Variants in CSMD1 observed in about 807,000 individuals in gnomAD.
CSMD1 encodes the protein CUB and sushi domain-containing protein 1.
CSMD1 carries 213 observed loss-of-function variants against 417.5 expected under a neutral mutation model. The ratio of observed to expected loss-of-function variants is 0.51; its 90% CI spans 0.46 to 0.57. The LOEUF (loss-of-function observed/expected upper bound fraction) is 0.57. Ranked by LOEUF, CSMD1 falls within the 20% of genes least tolerant of loss-of-function variation. The pLI is 0.00. For missense variants in CSMD1, 6,923 were observed against 4,529.7 expected (o/e 1.53, Z -15.17); for synonymous variants, 2,862 against 1,736.8 (o/e 1.65, Z -16.11).
chr8:4,339,733 A>C (rs1800369126), intron 3 of CSMD1, among the ~76,000 whole-genome samples: 1 of 152,192 alleles, frequency 6.6e-6, no homozygotes, highest in East Asian at 1.9e-4. Context: ...CGGTATACGA[A>C]GTAGAAAAAG....
intron 57 of CSMD1, among the ~76,000 whole-genome samples, chr8:2,971,439 C>T (rs928730966): frequency 1.3e-5 from 2 of 152,070 alleles, no homozygotes; most frequent in Admixed American, 6.6e-5. Context: ...GCTGCATGCC[C>T]CTAGGGTTTT....
At chr8:4,912,856 G>A (rs1209251994) in intron 1 of CSMD1, among the ~76,000 whole-genome samples, 3 of 152,008 alleles carry the variant, frequency 2.0e-5, no homozygotes, top group Non-Finnish European at 4.4e-5. Context: ...TGCAACCTTG[G>A]CTTACTACAA....
intron 2 of CSMD1, among the ~76,000 whole-genome samples, chr8:4,558,811 T>C (rs182633568): frequency 1.2e-3 from 177 of 152,258 alleles, no homozygotes; most frequent in East Asian, 9.6e-4. Context: ...GACGTTGCAG[T>C]GAATGGAGAT....
At chr8:4,313,840 C>T (rs112452921) in intron 3 of CSMD1, among the ~76,000 whole-genome samples, 1,873 of 151,940 alleles carry the variant, frequency 0.012, 38 homozygotes, top group African/African-American at 0.044. Context: ...ATGGTGAAAC[C>T]TCATCTCTAC....
intron 3 of CSMD1, among the ~76,000 whole-genome samples, chr8:4,333,388 A>T (rs144384872): frequency 2.2e-3 from 329 of 152,266 alleles, no homozygotes; most frequent in African/African-American, 7.6e-3. Flanking sequence ...GACGGCTGAC[A>T]GGGGTTGAAT....
chr8:4,753,763 G>A (rs763774265), intron 1 of CSMD1, among the ~76,000 whole-genome samples: 7 of 152,122 alleles, frequency 4.6e-5, no homozygotes, highest in Non-Finnish European at 8.8e-5. Flanking sequence ...ATTCTGATGG[G>A]AACATTCCCT....
At chr8:4,042,234 A>T (rs1291379491) in intron 3 of CSMD1, among the ~76,000 whole-genome samples, 1 of 152,214 alleles carries the variant, frequency 6.6e-6, no homozygotes, top group Non-Finnish European at 1.5e-5. Flanking sequence ...CACATGTCAA[A>T]ATCAAGGTGC....
intron 8 of CSMD1, among the ~76,000 whole-genome samples, chr8:3,590,183 T>C (rs990782890): frequency 1.4e-4 from 21 of 152,308 alleles, no homozygotes; most frequent in Admixed American, 1.1e-3. Context: ...GATCTATCTA[T>C]ATTTATATCT....
intron 54 of CSMD1, among the ~76,000 whole-genome samples, chr8:2,984,362 C>A (rs1192168233): frequency 1.3e-5 from 2 of 151,814 alleles, no homozygotes; most frequent in Non-Finnish European, 2.9e-5. Flanking sequence ...TTTCTTTTTT[C>A]CCCCGAGACC....
At chr8:4,183,053 C>G (rs1798467229) in intron 3 of CSMD1, among the ~76,000 whole-genome samples, 2 of 152,266 alleles carry the variant, frequency 1.3e-5, no homozygotes, top group Non-Finnish European at 2.9e-5. Context: ...GTTATATGCA[C>G]AGATACCACT....
At chr8:4,277,385 T>A (rs1178982822) in intron 3 of CSMD1, among the ~76,000 whole-genome samples, 1 of 152,176 alleles carries the variant, frequency 6.6e-6, no homozygotes, top group Non-Finnish European at 1.5e-5. Flanking sequence ...TCTGAAGGTG[T>A]CTGGCTTGAC....
intron 4 of CSMD1, among the ~76,000 whole-genome samples, chr8:4,016,721 A>T (rs1323989227): frequency 6.6e-6 from 1 of 152,172 alleles, no homozygotes; most frequent in Non-Finnish European, 1.5e-5. Flanking sequence ...TGTTAGGAAG[A>T]CCCTATAGCC....
intron 3 of CSMD1, among the ~76,000 whole-genome samples, chr8:4,372,668 T>C (rs1330117723): frequency 6.6e-6 from 1 of 150,390 alleles, no homozygotes; most frequent in Non-Finnish European, 1.5e-5. Context: ...AAAAGCCACA[T>C]TGATGCAGGC....
chr8:4,964,502 CAAAAAAAAAAAAA>C (rs10622416), intron 1 of CSMD1, among the ~76,000 whole-genome samples: 4 of 105,976 alleles, frequency 3.8e-5, no homozygotes, highest in African/African-American at 1.5e-4. Flanking sequence ...ACCCTGTCTC[CAAAAAAAAAAAAA>C]AAAAAAAAAA....
In CSMD1 at chr8:3,167,159, C is replaced by A. The variant is rs562584402; in HGVS notation, c.5726-4882G>T. 1.1e-3 allele frequency among the ~76,000 whole-genome samples: 164 copies of A among 152,164 alleles called. 1 individual carries two copies. Among genetic ancestry groups the A allele is most frequent in the Non-Finnish European group, 5.0e-4 (34 of 68,010 alleles). ...AATTAGCCAGGCGTGGTGGCATGTG[C>A]CTGTAATCGCAGGTACTTGGGAGGC... On this transcript the variant is annotated intron_variant, in intron 37 of 69. Coordinates refer to ENST00000635120, the MANE Select transcript of CSMD1 (RefSeq NM_033225.6).
At chr8:3,762,657 C>T (rs1254501189) in intron 5 of CSMD1, among the ~76,000 whole-genome samples, 1 of 152,210 alleles carries the variant, frequency 6.6e-6, no homozygotes, top group Non-Finnish European at 1.5e-5. Context: ...CCTGCTGACG[C>T]CGTACAGGCA....
intron 10 of CSMD1, among the ~76,000 whole-genome samples, chr8:3,529,638 G>T (rs1448319748): frequency 6.6e-6 from 1 of 152,178 alleles, no homozygotes; most frequent in Non-Finnish European, 1.5e-5. Context: ...AAAGTATAGT[G>T]TTTGCTTTGA....
chr8:3,614,589 A>C (rs1266327852), intron 8 of CSMD1, among the ~76,000 whole-genome samples: 1 of 152,202 alleles, frequency 6.6e-6, no homozygotes, highest in Non-Finnish European at 1.5e-5. Context: ...TTAAAACATG[A>C]AGTGCAATTT....
intron 1 of CSMD1, among the ~76,000 whole-genome samples, chr8:4,818,820 C>G (rs1799356828): frequency 1.3e-5 from 2 of 152,094 alleles, no homozygotes; most frequent in Admixed American, 1.3e-4. Flanking sequence ...AGAGACTCAC[C>G]ATGGAATTAT....
Sources: gnomAD v4.1 joint callset for allele counts (sites outside exome capture counted in the v4.1 genomes callset) on GRCh38, gnomAD v4.1.1 for gene constraint, MANE v1.5 for transcripts, NCBI Gene and HGNC (gene_info 2026-07-23, HGNC 2026-07-21) for gene names.